SAMSN1: variants seen among roughly 807,000 people sequenced by gnomAD.
The protein encoded by SAMSN1 is SAM domain, SH3 domain and nuclear localization signals 1, also known as SAM domain-containing protein SAMSN-1.
SAMSN1 carries 31 observed loss-of-function variants against 42.0 expected under a neutral mutation model. The ratio of observed to expected loss-of-function variants is 0.74; its 90% CI spans 0.55 to 1.00. The LOEUF (loss-of-function observed/expected upper bound fraction) is 1.00. Among genes scored for constraint, SAMSN1 ranks in the 50% least tolerant of loss-of-function variants. The pLI is 0.00. For missense variants in SAMSN1, 464 were observed against 439.4 expected (o/e 1.06, Z -0.50); for synonymous variants, 178 against 151.9 (o/e 1.17, Z -1.26).
At chr21:14,516,709 G>A (rs1191879359) in intron 3 of SAMSN1, among the ~76,000 whole-genome samples, 183 bp downstream of exon 3, 2 of 152,156 alleles carry the variant, frequency 1.3e-5, no homozygotes, top group Non-Finnish European at 2.9e-5. Context: ...ATCTTTCTGA[G>A]TGTCAGTTTC....
intron 1 of SAMSN1, among the ~76,000 whole-genome samples, chr21:14,526,571 T>C (rs1978874166): frequency 6.6e-6 from 1 of 152,216 alleles, no homozygotes; most frequent in Non-Finnish European, 1.5e-5. Context: ...TGTTTCATGA[T>C]ATAAAGCTGG....
rs143638773 is a variant in SAMSN1 at position 14,493,256 on chromosome 21, C to T, written c.919+5186G>A. 3.3e-5 allele frequency among the ~76,000 whole-genome samples: 5 copies of T among 152,296 alleles called. No homozygotes were observed. The East Asian group carries it at 9.7e-4, about 29-fold the overall frequency. ...CATTTGGCACTGCAACCAGAGTTTG[C>T]AGGTACCTCAAATGCATTGTATACA... On this transcript the variant is annotated intron_variant, in intron 7 of 7. Coordinates refer to ENST00000400566, the MANE Select transcript of SAMSN1 (RefSeq NM_022136.5).
Position 14,596,785 on chromosome 21 carries a change from G to A in SAMSN1, c.400-2707C>T, listed in dbSNP as rs114237862. Among the ~76,000 whole-genome samples, 1,008 of 152,186 alleles carry A rather than the reference G, an allele frequency of 6.6e-3. 8 individuals are homozygous for A. Among genetic ancestry groups the A allele is most frequent in the African/African-American group, 0.023 (966 of 41,530 alleles). On this transcript the variant is annotated intron_variant, in intron 6 of 15. Transcript: ENST00000647101. ...AAACAAACCTTTCAGCCCCAGTCAAGCCTTCAGATAACACCTTGAGCGACA... is the reference window on the plus strand; with the variant it reads ...AAACAAACCTTTCAGCCCCAGTCAAACCTTCAGATAACACCTTGAGCGACA...
chr21:14,486,912 T>A (rs1986459023), intron 7 of SAMSN1, among the ~76,000 whole-genome samples: 1 of 152,162 alleles, frequency 6.6e-6, no homozygotes, highest in Non-Finnish European at 1.5e-5. Context: ...AAAATATATT[T>A]TGGAAGAACC....
chr21:14,562,349 G>GA (rs2123201027), intron 2 of SAMSN1, among the ~76,000 whole-genome samples: 1 of 152,230 alleles, frequency 6.6e-6, no homozygotes, highest in East Asian at 1.9e-4. Flanking sequence ...ACAGAATGCA[G>GA]AAAAGATCAC....
rs1482454551 is a variant in SAMSN1, at chr21:14,579,636, G to A, written c.261+2500C>T. ...TGTTCTGCACTTCATGTTAGAAAAT[G>A]CTCACTTTTTTTTTTTTTTTTTTTT... is the stretch of plus-strand genomic sequence containing the variant. On this transcript the variant is annotated intron_variant, in intron 2 of 8. Transcript: ENST00000285670. Among the ~76,000 whole-genome samples, 3 of 142,586 alleles carry A rather than the reference G, an allele frequency of 2.1e-5. No individual in the cohort carries two copies. In the East Asian group the frequency reaches 6.1e-4, roughly 29 times the overall value. 93.5% of individuals were successfully genotyped at this position (142,586 alleles called of 152,430 possible).
chr21:14,511,029 A>G (rs1054787236), intron 4 of SAMSN1, among the ~76,000 whole-genome samples: 3 of 152,216 alleles, frequency 2.0e-5, no homozygotes, highest in Non-Finnish European at 4.4e-5. Flanking sequence ...CAGAGAAAAG[A>G]GATAGCATTT....
At chr21:14,570,996 T>G (rs1278603629) in intron 2 of SAMSN1, among the ~76,000 whole-genome samples, 1 of 152,168 alleles carries the variant, frequency 6.6e-6, no homozygotes, top group Non-Finnish European at 1.5e-5. Context: ...TATTATGAAT[T>G]CTCATTGTCC....
intron 2 of SAMSN1, chr21:14,619,626 G>A (rs887036696): frequency 2.0e-5 from 6 of 303,574 alleles, no homozygotes; most frequent in African/African-American, 1.3e-4. Flanking sequence ...TGTTGTAGGG[G>A]AGAAAAGATT....
intron 2 of SAMSN1, among the ~76,000 whole-genome samples, chr21:14,561,334 G>T (rs1273756433): frequency 6.6e-6 from 1 of 152,126 alleles, no homozygotes; most frequent in Non-Finnish European, 1.5e-5. Context: ...TGGGGAGCCT[G>T]ATTAGAGTGA....
intron 4 of SAMSN1, 99 bp from the exon 5 acceptor site, chr21:14,510,560 T>C: frequency 7.3e-7 from 1 of 1,368,902 alleles, no homozygotes; most frequent in Non-Finnish European, 1.0e-6. Flanking sequence ...GAACACTGGA[T>C]GCCAGGCTCC....
intron 2 of SAMSN1, among the ~76,000 whole-genome samples, chr21:14,640,729 T>G (rs1356135768): frequency 6.6e-6 from 1 of 152,066 alleles, no homozygotes; most frequent in Non-Finnish European, 1.5e-5. Context: ...ATATAATAAG[T>G]ATTAATAATA....
chr21:14,639,063 A>G (rs1312208341), intron 2 of SAMSN1, among the ~76,000 whole-genome samples: 2 of 152,222 alleles, frequency 1.3e-5, no homozygotes, highest in Non-Finnish European at 2.9e-5. Flanking sequence ...ATTTTTTAAA[A>G]GGCTCAAGTT....
rs534336209 is a variant in SAMSN1, at chr21:14,565,333, GC to G, written c.261+16802del. ...TTTTGGTTTGTATACCTCACAGAAG[GC>G]CTCCAAGACGCAGGGAAAATATCTT... On this transcript the variant is annotated intron_variant, in intron 2 of 8. Transcript: ENST00000285670. Among the ~76,000 whole-genome samples the G allele has an allele frequency of 1.1e-3, 164 of 151,226 alleles. 1 individual carries two copies. Among genetic ancestry groups the G allele is most frequent in the African/African-American group, 3.6e-3 (150 of 41,214 alleles).
chr21:14,658,624 C>T, intron 1 of SAMSN1: 1 of 621,740 alleles, frequency 1.6e-6, no homozygotes, highest in Non-Finnish European at 2.9e-6. Flanking sequence ...GTGATGTGAA[C>T]TTTCTGAGAT....
At chr21:14,584,998 G>A (rs996737257), upstream of SAMSN1, among the ~76,000 whole-genome samples, 9 of 149,190 alleles carry the variant, frequency 6.0e-5, no homozygotes, top group South Asian at 2.2e-4. Context: ...TAGCACTTAC[G>A]TAGGAAATGT....
At chr21:14,559,326 T>C (rs28701010) in intron 2 of SAMSN1, among the ~76,000 whole-genome samples, 24,385 of 152,088 alleles carry the variant, frequency 0.16, 2,040 homozygotes, top group East Asian at 0.3. Flanking sequence ...CAGAATCCAC[T>C]CAGTAGTATC....
At chr21:14,619,987 G>C (rs1290978640) in intron 2 of SAMSN1, among the ~76,000 whole-genome samples, 3 of 151,892 alleles carry the variant, frequency 2.0e-5, no homozygotes, top group Non-Finnish European at 4.4e-5. Context: ...GTAATTCAGA[G>C]AGTGATCTTC....
Position 14,485,291 on chromosome 21 carries a change from C to T in SAMSN1, c.*621G>A, listed in dbSNP as rs1986383734. 1.3e-5 allele frequency: 2 copies of T among 152,204 alleles called. No homozygotes were observed. The highest frequency in any genetic ancestry group is 1.3e-4 in the Admixed American group (2 of 15,272). 9.4% of individuals were successfully genotyped at this position (152,204 alleles called of 1,614,324 possible). On this transcript the variant is annotated 3_prime_UTR_variant, in exon 8 of 8. Transcript: ENST00000400566. Reference sequence around the variant, plus strand: ...GGTATGTCAAATTTTAAAATATTTACACTTAAAGACAAAACATTTCCACAA... The same window carrying T: ...GGTATGTCAAATTTTAAAATATTTATACTTAAAGACAAAACATTTCCACAA...
Sources: gnomAD v4.1 joint callset for allele counts (sites outside exome capture counted in the v4.1 genomes callset) on GRCh38, gnomAD v4.1.1 for gene constraint, MANE v1.5 for transcripts, NCBI Gene and HGNC (gene_info 2026-07-23, HGNC 2026-07-21) for gene names.